CHST6: variants seen among roughly 807,000 people sequenced by gnomAD.
The protein encoded by CHST6 is N-acetylglucosamine 6-O-sulfotransferase 5.
For missense variants in CHST6, 698 were observed against 586.2 expected (o/e 1.19, Z -1.97); for synonymous variants, 309 against 276.4 (o/e 1.12, Z -1.17).
At chr16:75,492,992 G>T (rs146818667) in intron 1 of CHST6, among the ~76,000 whole-genome samples, 250 of 152,030 alleles carry the variant, frequency 1.6e-3, no homozygotes, top group African/African-American at 5.4e-3. Context: ...TTGACTAATA[G>T]GTGATAGTGA....
At chr16:75,487,923 G>A (rs2080218860) in intron 1 of CHST6, among the ~76,000 whole-genome samples, 1 of 151,962 alleles carries the variant, frequency 6.6e-6, no homozygotes. Context: ...TGGAACCCAG[G>A]AGGCAGAGGT....
Position 75,479,986 on chromosome 16 carries a change from C to T in CHST6, c.-16-142G>A, listed in dbSNP as rs115683281. 3.4e-3 allele frequency: 2,408 copies of T among 709,948 alleles called. 43 individuals carry two copies. In the African/African-American group the frequency reaches 0.038, roughly 11 times the overall value. The allele number at this position is 709,948 out of a possible 1,614,324, so 44.0% of individuals were successfully genotyped here. ...TGATGGTCTCAGTGGGGAGCTCTCC[C>T]GGAAATGTGGCCTTAAGACATAACT... On this transcript the variant is annotated intron_variant, in intron 2 of 2. Transcript: ENST00000332272.
chr16:75,484,493 C>T (rs529617504), intron 1 of CHST6, among the ~76,000 whole-genome samples: 1 of 152,154 alleles, frequency 6.6e-6, no homozygotes, highest in African/African-American at 2.4e-5. Context: ...AAAGTCTTCC[C>T]TTGATGAGGG....
Position 75,474,865 on chromosome 16 carries a change from A to C in CHST6, c.*3776T>G. On this transcript the variant is annotated 3_prime_UTR_variant, in exon 3 of 3. Transcript: ENST00000332272. ...GGCTGGAGTACAGTGGTGCGATCTC[A>C]GCTCACTGCAATCTCTGCCTCCTGG... 3.9e-5 allele frequency: 15 copies of C among 388,362 alleles called. No individual in the cohort carries two copies. Among genetic ancestry groups the C allele is most frequent in the Non-Finnish European group, 4.1e-5 (9 of 219,980 alleles). 24.1% of individuals were successfully genotyped at this position (388,362 alleles called of 1,614,324 possible).
intron 1 of CHST6, among the ~76,000 whole-genome samples, chr16:75,490,974 A>G (rs2080246306): frequency 1.3e-5 from 2 of 151,872 alleles, no homozygotes; most frequent in South Asian, 4.1e-4. Context: ...AAAACACTGA[A>G]TATACTATAA....
intron 1 of CHST6, among the ~76,000 whole-genome samples, chr16:75,483,585 G>C (rs575518686): frequency 1.3e-5 from 2 of 152,294 alleles, no homozygotes; most frequent in East Asian, 3.9e-4. Context: ...GGCAGGCCCT[G>C]TGATAGGTAC....
chr16:75,477,884 T>G lies in CHST6; in HGVS notation c.*757A>C, dbSNP rs1392407928. The stretch of plus-strand genomic sequence containing the variant: ...CCCCCTCTTGCTCTGCCACTCACTG[T>G]GCCTGGCTTGCTGCCCAGCCCTCCC... On this transcript the variant is annotated 3_prime_UTR_variant, in exon 3 of 3. Transcript: ENST00000332272. The G allele has an allele frequency of 1.3e-5, 2 of 153,854 alleles. No individual in the cohort carries two copies. Among genetic ancestry groups the G allele is most frequent in the Non-Finnish European group, 2.9e-5 (2 of 69,300 alleles). 9.5% of individuals were successfully genotyped at this position (153,854 alleles called of 1,614,324 possible). A position where few individuals can be genotyped will look rare whatever the true frequency, so the allele number is the denominator to read the frequency against.
rs2080295771 is a variant in CHST6 at position 75,495,105 on chromosome 16, T to A, written c.-257A>T. On this transcript the variant is annotated 5_prime_UTR_variant, in exon 1 of 3. Transcript: ENST00000332272. The stretch of plus-strand genomic sequence containing the variant: ...GCAGGGGCTGACTTGCTCCTTAAGG[T>A]CCCAAGACTATTAAGCGACACCCGG... The A allele has an allele frequency of 6.6e-6, 1 of 152,156 alleles. No individual in the cohort carries two copies. Among genetic ancestry groups the A allele is most frequent in the African/African-American group, 2.4e-5 (1 of 41,372 alleles). 9.4% of individuals were successfully genotyped at this position (152,156 alleles called of 1,614,324 possible).
intron 1 of CHST6, among the ~76,000 whole-genome samples, chr16:75,489,069 A>G (rs2080231162): frequency 6.6e-6 from 1 of 151,916 alleles, no homozygotes; most frequent in South Asian, 2.1e-4. Context: ...CCTGATGATC[A>G]TCCCTATTTT....
chr16:75,479,429 CG>C lies in CHST6; in HGVS notation c.399del (p.Ala134ProfsTer247). ...WAVSRALCSP[P>X]ACSAFPRGAI... ...GCGCCTCGGGGAAAGGCACTGCAGG[CG>C]GGTGGCGAGCACAGTGCACGGCTCA... On this transcript the variant is annotated frameshift_variant, in exon 3 of 3. Coordinates refer to ENST00000332272, the MANE Select transcript of CHST6 (RefSeq NM_021615.5). LOFTEE classifies it low-confidence loss of function (END_TRUNC). The C allele has an allele frequency of 6.2e-7, 1 of 1,612,882 alleles. No homozygotes were observed.
Position 75,479,553 on chromosome 16 carries a change from C to A in CHST6, c.276G>T (p.Val92=). ...GGAAGACGGAGCGCACCAGGTCGCG[C>A]ACAGCCATGTGCAGCGTTGCGGCGC... ...QGSAATLHMA[V]RDLVRSVFLC... Residue 92 remains valine (V), a synonymous_variant, in exon 3 of 3, where the codon GTG becomes GTT. Transcript: ENST00000332272. 1 of 1,612,988 alleles carries A rather than the reference C, an allele frequency of 6.2e-7. No individual in the cohort carries two copies. Among genetic ancestry groups the A allele is most frequent in the Non-Finnish European group, 8.5e-7 (1 of 1,179,862 alleles).
intron 1 of CHST6, among the ~76,000 whole-genome samples, chr16:75,488,159 C>T (rs2080220989): frequency 6.6e-6 from 1 of 152,150 alleles, no homozygotes; most frequent in Admixed American, 6.6e-5. Context: ...TGGAGGTCAT[C>T]CCTGTTCGAG....
At chr16:75,480,092 T>C (rs1368910400) in intron 2 of CHST6, among the ~76,000 whole-genome samples, 2 of 127,848 alleles carry the variant, frequency 1.6e-5, no homozygotes, top group African/African-American at 9.3e-5. Context: ...CCTACCTTCT[T>C]AATGTGAGTC....
chr16:75,483,039 A>G (rs2080159410), intron 1 of CHST6, among the ~76,000 whole-genome samples: 3 of 152,254 alleles, frequency 2.0e-5, no homozygotes, highest in Admixed American at 6.5e-5. Flanking sequence ...TCTGACTTCA[A>G]TGATCACAAG....
chr16:75,485,489 CCAGAGCAAAACA>C lies in CHST6; in HGVS notation c.-91-3610_-91-3599del, dbSNP rs1210166254. Reference sequence around the variant, plus strand: ...CTTAAAAAAAATCAAAAACCTAAAACCAGAGCAAAACACTCCAGCTCACAGCTGAAGCTCACA... The same window carrying C: ...CTTAAAAAAAATCAAAAACCTAAAACCTCCAGCTCACAGCTGAAGCTCACA... On this transcript the variant is annotated intron_variant, in intron 1 of 2. Coordinates refer to ENST00000332272, the MANE Select transcript of CHST6 (RefSeq NM_021615.5). 3.9e-5 allele frequency among the ~76,000 whole-genome samples: 6 copies of C among 152,238 alleles called. No individual in the cohort carries two copies. The East Asian group carries it at 1.2e-3, about 29-fold the overall frequency.
Position 75,479,209 on chromosome 16 carries a change from A to G in CHST6, c.620T>C (p.Val207Ala), listed in dbSNP as rs2080106311. The change falls in exon 3 of 3, where the codon GTG becomes GCG. Residue 207 changes from valine to alanine, a missense_variant. Val to Ala is a moderately conservative substitution (Grantham distance 64). Transcript: ENST00000332272. ...IVHLVRDPRAVLRSREQTAKA... is the reference protein window; with the variant it reads ...IVHLVRDPRAALRSREQTAKA... ...GGCTGTCTGCTCCCGGGAGCGCAGCACGGCCCGCGGGTCGCGCACCAGGTG... is the reference window on the plus strand; with the variant it reads ...GGCTGTCTGCTCCCGGGAGCGCAGCGCGGCCCGCGGGTCGCGCACCAGGTG... 8.1e-6 allele frequency: 13 copies of G among 1,609,606 alleles called. No individual in the cohort carries two copies. Among genetic ancestry groups the G allele is most frequent in the Non-Finnish European group, 1.1e-5 (13 of 1,179,290 alleles).
chr16:75,478,521 G>A lies in CHST6; in HGVS notation c.*120C>T, dbSNP rs1488978824. 8 of 969,700 alleles carry A rather than the reference G, an allele frequency of 8.2e-6. No individual in the cohort carries two copies. Among genetic ancestry groups the A allele is most frequent in the Non-Finnish European group, 9.8e-6 (6 of 609,826 alleles). 60.1% of individuals were successfully genotyped at this position (969,700 alleles called of 1,614,324 possible). ...CAGTCCTTGCCTACTTGGGGAGGGGGAGGGGTCGTACCACAAACTCCTTGG... is the reference window on the plus strand; with the variant it reads ...CAGTCCTTGCCTACTTGGGGAGGGGAAGGGGTCGTACCACAAACTCCTTGG... On this transcript the variant is annotated 3_prime_UTR_variant, in exon 3 of 3. Transcript: ENST00000332272.
chr16:75,483,140 G>T (rs901255090), intron 1 of CHST6, among the ~76,000 whole-genome samples: 1 of 152,222 alleles, frequency 6.6e-6, no homozygotes, highest in Admixed American at 6.5e-5. Flanking sequence ...AAGACTCAAG[G>T]CTTGGAGAGA....
chr16:75,492,286 TG>T (rs2080264833), intron 1 of CHST6, among the ~76,000 whole-genome samples: 1 of 152,218 alleles, frequency 6.6e-6, no homozygotes, highest in African/African-American at 2.4e-5. Flanking sequence ...GCACCTGCCT[TG>T]GTCTAAATTG....
Sources: allele counts gnomAD v4.1 joint callset (sites outside exome capture counted in the v4.1 genomes callset), GRCh38; gene constraint gnomAD v4.1.1; transcripts MANE v1.5; gene names NCBI Gene and HGNC (gene_info 2026-07-23, HGNC 2026-07-21).